The following CHN2 variants were observed in gnomAD, a reference collection of about 807,000 sequenced individuals.
CHN2 encodes chimerin 2.
CHN2 carries 35 observed loss-of-function variants against 56.3 expected under a neutral mutation model. The observed-to-expected ratio is 0.62, with a 90% CI of 0.47 to 0.82. The LOEUF (loss-of-function observed/expected upper bound fraction) is 0.82, where lower values mean the gene tolerates loss of function less well. CHN2 is among the 40% of genes least tolerant of loss of function. CHN2 has a pLI of 0.00. For missense variants in CHN2, 491 were observed against 580.5 expected, an observed-to-expected ratio of 0.85 and a Z score of 1.58; for synonymous variants, 210 against 212.8, an observed-to-expected ratio of 0.99 and a Z score of 0.12.
At chr7:29,497,551 CTT>C (rs1252039985) in intron 8 of CHN2, among the ~76,000 whole-genome samples, 2 of 151,434 alleles carry the variant, frequency 1.3e-5, no homozygotes, top group Non-Finnish European at 2.9e-5. Flanking sequence ...CCAATGGCTA[CTT>C]TTTGGCCTTA....
intron 1 of CHN2, among the ~76,000 whole-genome samples, chr7:29,326,900 T>C (rs1473127581): frequency 6.6e-6 from 1 of 152,214 alleles, no homozygotes; most frequent in Non-Finnish European, 1.5e-5. Flanking sequence ...AGTGCTTTAA[T>C]GGGTTACCTC....
chr7:29,166,961 C>A (rs1293222406), intron 2 of CHN2, among the ~76,000 whole-genome samples: 1 of 151,898 alleles, frequency 6.6e-6, no homozygotes, highest in Non-Finnish European at 1.5e-5. Flanking sequence ...GATTTTTCTC[C>A]ACAATATAAG....
At chr7:29,339,079 C>T (rs1796838484) in intron 1 of CHN2, among the ~76,000 whole-genome samples, 1 of 152,138 alleles carries the variant, frequency 6.6e-6, no homozygotes, top group Admixed American at 6.5e-5. Context: ...CCCTCAATTA[C>T]ATTCTGGAAA....
Position 29,240,846 on chromosome 7 carries a change from ATCT to A in CHN2, c.49+45864_49+45866del, listed in dbSNP as rs1365692330. Among the ~76,000 whole-genome samples the A allele has an allele frequency of 8.6e-5, 12 of 139,762 alleles. No homozygotes were observed. In the South Asian group the frequency reaches 1.6e-3, roughly 19 times the overall value. The allele number at this position is 139,762 out of a possible 152,430, so 91.7% of individuals were successfully genotyped here. ...CGTCGTCGTCGTCGTCTTCGTCTTC[ATCT>A]TCTTCTTTCTTCTTTCTTCTTCCTT... On this transcript the variant is annotated intron_variant, in intron 1 of 12. Transcript: ENST00000222792.
intron 6 of CHN2, among the ~76,000 whole-genome samples, chr7:29,405,213 A>ACACG (rs1360050305): frequency 1.4e-5 from 2 of 142,070 alleles, no homozygotes; most frequent in Non-Finnish European, 3.1e-5. Context: ...ACACACACAC[A>ACACG]CACACACACG....
At chr7:29,284,939 T>A (rs1336598427) in intron 1 of CHN2, among the ~76,000 whole-genome samples, 1 of 152,226 alleles carries the variant, frequency 6.6e-6, no homozygotes, top group African/African-American at 2.4e-5. Flanking sequence ...AATCACTAAA[T>A]CCTGGAACTT....
At chr7:29,275,707 G>T (rs1351919992) in intron 1 of CHN2, among the ~76,000 whole-genome samples, 13 of 152,100 alleles carry the variant, frequency 8.5e-5, no homozygotes, top group Admixed American at 7.9e-4. Context: ...GGAAAGTGAG[G>T]TCTCTCAGGG....
At chr7:29,253,376 T>A (rs925428114) in intron 1 of CHN2, among the ~76,000 whole-genome samples, 1 of 152,166 alleles carries the variant, frequency 6.6e-6, no homozygotes, top group African/African-American at 2.4e-5. Flanking sequence ...AAAGCAAAAC[T>A]TTTCCAGAAA....
chr7:29,273,367 A>ATATATATGTG (rs1790884651), intron 1 of CHN2, among the ~76,000 whole-genome samples: 1 of 50,866 alleles, frequency 2.0e-5, no homozygotes, highest in Non-Finnish European at 3.5e-5. Flanking sequence ...ATATATATAT[A>ATATATATGTG]TATATATATA....
intron 3 of CHN2, among the ~76,000 whole-genome samples, chr7:29,375,055 A>AT (rs1799945488): frequency 6.9e-6 from 1 of 145,876 alleles, no homozygotes; most frequent in Admixed American, 6.9e-5. Flanking sequence ...ACCCAGCTAA[A>AT]TTTTTTGTAT....
intron 1 of CHN2, among the ~76,000 whole-genome samples, chr7:29,313,863 G>A (rs527804555): frequency 1.3e-5 from 2 of 152,312 alleles, no homozygotes; most frequent in South Asian, 4.1e-4. Context: ...TGTACACGAT[G>A]CAAGAGCTCC....
intron 11 of CHN2, 30 bp downstream of exon 11, chr7:29,507,395 T>A: frequency 6.5e-7 from 1 of 1,544,984 alleles, no homozygotes; most frequent in Non-Finnish European, 8.9e-7. Flanking sequence ...TTTTTATTTC[T>A]ACCAAATTTT....
intron 10 of CHN2, among the ~76,000 whole-genome samples, chr7:29,506,738 C>A (rs1790612871): frequency 6.6e-6 from 1 of 152,092 alleles, no homozygotes; most frequent in Non-Finnish European, 1.5e-5. Context: ...GAGGAAGGAT[C>A]AAGTTAAAAA....
At chr7:29,293,805 T>C (rs1792876677) in intron 1 of CHN2, among the ~76,000 whole-genome samples, 1 of 151,958 alleles carries the variant, frequency 6.6e-6, no homozygotes, top group Non-Finnish European at 1.5e-5. Flanking sequence ...GTTTTATGTA[T>C]GTATTTCATT....
chr7:29,251,966 A>G (rs1169685264), intron 1 of CHN2, among the ~76,000 whole-genome samples: 2 of 152,114 alleles, frequency 1.3e-5, no homozygotes, highest in Non-Finnish European at 2.9e-5. Context: ...CACATGCTAT[A>G]TATACTTAAA....
intron 6 of CHN2, among the ~76,000 whole-genome samples, chr7:29,440,225 G>A (rs777993741): frequency 2.0e-5 from 3 of 152,196 alleles, no homozygotes; most frequent in Non-Finnish European, 2.9e-5. Context: ...TGGCTAAAAT[G>A]TAGTATATAC....
chr7:29,511,554 T>C (rs966753560), intron 12 of CHN2, among the ~76,000 whole-genome samples: 3 of 152,186 alleles, frequency 2.0e-5, no homozygotes, highest in Admixed American at 6.5e-5. Context: ...GGCACTTTGA[T>C]GGTGAGAAAC....
rs70980522 is a variant in CHN2 at position 29,293,857 on chromosome 7, ATTTTTTTTTT to A, written c.50-60750_50-60741del. On this transcript the variant is annotated intron_variant, in intron 1 of 12. Coordinates refer to ENST00000222792, the MANE Select transcript of CHN2 (RefSeq NM_004067.4). The stretch of plus-strand genomic sequence containing the variant: ...GCATATAAGCTCCACGAGGCTGGGA[ATTTTTTTTTT>A]TTTTTTTTTTTTTTTTTGAGACGGA... 4.5e-3 allele frequency among the ~76,000 whole-genome samples: 354 copies of A among 78,532 alleles called. 1 individual carries two copies. Among genetic ancestry groups the A allele is most frequent in the African/African-American group, 0.017 (329 of 19,912 alleles). 51.5% of individuals were successfully genotyped at this position (78,532 alleles called of 152,430 possible).
At chr7:29,345,249 T>C (rs967570442) in intron 1 of CHN2, among the ~76,000 whole-genome samples, 4 of 152,182 alleles carry the variant, frequency 2.6e-5, no homozygotes, top group African/African-American at 9.6e-5. Context: ...GACCCACACA[T>C]TGGAGGACAA....
Sources: gnomAD v4.1 joint callset for allele counts (sites outside exome capture counted in the v4.1 genomes callset) on GRCh38, gnomAD v4.1.1 for gene constraint, MANE v1.5 for transcripts, NCBI Gene and HGNC (gene_info 2026-07-23, HGNC 2026-07-21) for gene names.